The following NEO1 variants were observed in gnomAD, a reference collection of about 807,000 sequenced individuals.
NEO1 encodes the protein neogenin.
NEO1 carries 63 observed loss-of-function variants against 159.7 expected under a neutral mutation model. The observed-to-expected ratio is 0.39, with a 90% CI of 0.32 to 0.49. The LOEUF (loss-of-function observed/expected upper bound fraction) is 0.49. NEO1 is among the 20% of genes least tolerant of loss of function. NEO1 has a pLI of 0.85. For missense variants in NEO1, 1,615 were observed against 1,831.0 expected (o/e 0.88, Z 2.15); for synonymous variants, 633 against 662.0 (o/e 0.96, Z 0.67).
Position 73,278,142 on chromosome 15 carries a change from G to A in NEO1, c.3205G>A (p.Gly1069Arg), listed in dbSNP as rs773433902. ...KMPNDQASGS[G>R]GKGSRLPDLG... is the part of the protein sequence containing the mutation. ...TTCTTCTCCTTTAGCCTCAGGGTCT[G>A]GAGGGAAAGGAAGCCGGCTGCCAGA... is the stretch of plus-strand genomic sequence containing the variant. The change falls in exon 22 of 29, where the codon GGA (glycine) becomes AGA (arginine). Residue 1069 changes from glycine (G) to arginine (R), a missense_variant. Coordinates refer to ENST00000261908, the MANE Select transcript of NEO1 (RefSeq NM_002499.4). 2 of 1,612,704 alleles carry A rather than the reference G, an allele frequency of 1.2e-6. No individual in the cohort carries two copies. The highest frequency in any genetic ancestry group is 1.3e-5 in the African/African-American group (1 of 74,910).
chr15:73,080,655 G>A (rs1372167838), intron 1 of NEO1, among the ~76,000 whole-genome samples: 1 of 152,016 alleles, frequency 6.6e-6, no homozygotes, highest in Non-Finnish European at 1.5e-5. Flanking sequence ...TTTGGTTAGT[G>A]GATTAAAGGA....
At chr15:73,218,108 C>G (rs1208867979) in intron 7 of NEO1, among the ~76,000 whole-genome samples, 1 of 152,148 alleles carries the variant, frequency 6.6e-6, no homozygotes, top group Non-Finnish European at 1.5e-5. Context: ...CCATCAATAC[C>G]TAATTTATTG....
At chr15:73,201,951 A>ATT (rs2036917605) in intron 7 of NEO1, among the ~76,000 whole-genome samples, 3 of 128,782 alleles carry the variant, frequency 2.3e-5, no homozygotes, top group African/African-American at 9.4e-5. Context: ...AAGCTATATC[A>ATT]TTCTTTTTTT....
At chr15:73,106,429 A>G (rs1286341155) in intron 1 of NEO1, among the ~76,000 whole-genome samples, 2 of 152,224 alleles carry the variant, frequency 1.3e-5, no homozygotes, top group African/African-American at 4.8e-5. Flanking sequence ...GAATATATCC[A>G]AAATATTTTA....
chr15:73,300,401 C>G (rs927417894), intron 27 of NEO1, among the ~76,000 whole-genome samples: 4 of 152,146 alleles, frequency 2.6e-5, no homozygotes, highest in African/African-American at 9.7e-5. Context: ...AAACATTCAA[C>G]TCAAAACTCA....
intron 5 of NEO1, among the ~76,000 whole-genome samples, chr15:73,140,533 G>C (rs2032277654): frequency 6.6e-6 from 1 of 152,096 alleles, no homozygotes; most frequent in South Asian, 2.1e-4. Context: ...TCCAGTCTGG[G>C]TGACAAAGCA....
intron 1 of NEO1, among the ~76,000 whole-genome samples, chr15:73,054,566 G>A (rs1439153764): frequency 6.6e-6 from 1 of 152,166 alleles, no homozygotes; most frequent in Non-Finnish European, 1.5e-5. Context: ...AGTGGGTACT[G>A]GAGTGACATA....
chr15:73,280,253 T>A (rs1231108843), intron 22 of NEO1, among the ~76,000 whole-genome samples: 1 of 150,546 alleles, frequency 6.6e-6, no homozygotes, highest in Non-Finnish European at 1.5e-5. Context: ...ACCACTGCAC[T>A]CCAGCCTGGG....
chr15:73,254,589 C>T (rs2040245245), intron 12 of NEO1, 93 bp from the exon 13 acceptor site: 2 of 1,334,104 alleles, frequency 1.5e-6, no homozygotes, highest in Admixed American at 2.6e-5. Context: ...TATGTTTTTT[C>T]TCTTTAAACA....
chr15:73,177,149 A>G (rs1313046304), intron 6 of NEO1, among the ~76,000 whole-genome samples: 1 of 152,180 alleles, frequency 6.6e-6, no homozygotes, highest in Non-Finnish European at 1.5e-5. Context: ...AAGAATACTC[A>G]GCCATAATTG....
chr15:73,126,308 A>G, intron 3 of NEO1, 109 bp from the exon 4 acceptor site: 1 of 938,300 alleles, frequency 1.1e-6, no homozygotes, highest in African/African-American at 1.6e-5. Flanking sequence ...GGGCTCAAGC[A>G]GTCCTCCCTC....
chr15:73,302,905 G>C lies in NEO1; in HGVS notation c.*209G>C. On this transcript the variant is annotated 3_prime_UTR_variant, in exon 29 of 29. Transcript: ENST00000261908. Reference sequence around the variant, plus strand: ...CCTGGAAGAAGCCTGTGTCGAGGCAGCTTCCCTTTGCCTGCTGATATTCTG... The same window carrying C: ...CCTGGAAGAAGCCTGTGTCGAGGCACCTTCCCTTTGCCTGCTGATATTCTG... 1.9e-6 allele frequency: 1 copy of C among 519,878 alleles called. No individual in the cohort carries two copies. The highest frequency in any genetic ancestry group is 3.5e-6 in the Non-Finnish European group (1 of 287,844). 32.2% of individuals were successfully genotyped at this position (519,878 alleles called of 1,614,324 possible).
intron 7 of NEO1, among the ~76,000 whole-genome samples, chr15:73,196,827 T>G (rs1223347936): frequency 6.6e-6 from 1 of 152,200 alleles, no homozygotes; most frequent in Non-Finnish European, 1.5e-5. Context: ...TTCTTGCCTC[T>G]CAAGCCTATA....
At chr15:73,116,423 ATG>A (rs2071322853) in intron 1 of NEO1, 115 bp from the exon 2 acceptor site, 7 of 799,802 alleles carry the variant, frequency 8.8e-6, no homozygotes, top group Non-Finnish European at 1.3e-5. Flanking sequence ...GACTATATTT[ATG>A]TGTCACATTC....
intron 5 of NEO1, among the ~76,000 whole-genome samples, chr15:73,153,763 C>T (rs182444062): frequency 6.6e-6 from 1 of 152,252 alleles, no homozygotes; most frequent in Non-Finnish European, 1.5e-5. Flanking sequence ...TGATACTGAA[C>T]AAAATTTAGT....
At chr15:73,128,847 A>G (rs537839293) in intron 4 of NEO1, among the ~76,000 whole-genome samples, 36 of 152,178 alleles carry the variant, frequency 2.4e-4, no homozygotes, top group Non-Finnish European at 4.4e-4. Context: ...ATTTTATTCA[A>G]AGATATCCTT....
At chr15:73,125,454 T>C (rs2030073152) in intron 3 of NEO1, among the ~76,000 whole-genome samples, 1 of 152,220 alleles carries the variant, frequency 6.6e-6, no homozygotes, top group South Asian at 2.1e-4. Flanking sequence ...ACTAATCGAT[T>C]AGGCAATGTT....
At chr15:73,269,916 C>T (rs1030302754) in intron 16 of NEO1, 94 bp from the exon 17 acceptor site, 5 of 970,536 alleles carry the variant, frequency 5.2e-6, no homozygotes, top group Non-Finnish European at 6.3e-6. Flanking sequence ...CATTTCTCAC[C>T]TTTCATTCCA....
At position 73,260,282 on chromosome 15, in the gene NEO1, C is replaced by T; in HGVS notation, c.2215C>T (p.Pro739Ser). 1 of 1,610,242 alleles carries T rather than the reference C, an allele frequency of 6.2e-7. No individual in the cohort carries two copies. Among genetic ancestry groups the T allele is most frequent in the Non-Finnish European group, 8.5e-7 (1 of 1,178,302 alleles). The part of the protein sequence containing the change: ...FESDLDETRV[P>S]EVPSSLHVRP... Reference sequence around the variant, plus strand: ...CTTTTCCTTCCCAGAAACTCGTGTTCCTGAAGTGCCTAGCTCTCTTCACGT... The same window carrying T: ...CTTTTCCTTCCCAGAAACTCGTGTTTCTGAAGTGCCTAGCTCTCTTCACGT... The change falls in exon 15 of 29, where the codon CCT becomes TCT. Residue 739 changes from proline to serine, a missense_variant. By Grantham distance (74) the Pro-to-Ser change is moderately conservative (BLOSUM62 -1). Coordinates refer to ENST00000261908, the MANE Select transcript of NEO1 (RefSeq NM_002499.4).
Sources: allele counts gnomAD v4.1 joint callset (sites outside exome capture counted in the v4.1 genomes callset), GRCh38; gene constraint gnomAD v4.1.1; transcripts MANE v1.5; gene names NCBI Gene and HGNC (gene_info 2026-07-23, HGNC 2026-07-21).